SLC5A6: variants seen among roughly 807,000 people sequenced by gnomAD.
The protein encoded by SLC5A6 is solute carrier family 5 member 6.
Under a neutral mutation model 67.9 loss-of-function variants are expected in SLC5A6, and 31 were observed. That is an observed-to-expected ratio of 0.46 (90% CI 0.34 to 0.62). The LOEUF is 0.62. Among genes scored for constraint, SLC5A6 ranks in the 20% least tolerant of loss-of-function variants. The pLI is 0.01. For synonymous variants in SLC5A6, 343 were observed against 331.0 expected, an observed-to-expected ratio of 1.04 and a Z score of -0.39; for missense variants, 673 against 812.8, an observed-to-expected ratio of 0.83 and a Z score of 2.09.
At chr2:27,206,146 G>C (rs1674046733) in intron 5 of SLC5A6, 53 bp from the exon 6 acceptor site, 1 of 1,506,868 alleles carries the variant, frequency 6.6e-7, no homozygotes, top group Non-Finnish European at 9.2e-7. Flanking sequence ...CCCCAGGGGA[G>C]AAGCCCTGGT....
rs747409538 is a variant in SLC5A6 at position 27,205,996 on chromosome 2, C to T, written c.579+30G>A. On this transcript the variant is annotated intron_variant, in intron 6 of 16. Transcript: ENST00000310574. ...GTCCCCTCCTTACTTCATCCCTTCC[C>T]CTCCCCACACCACGGCTTACTGCAC... is the stretch of plus-strand genomic sequence containing the variant. 7 of 1,551,132 alleles carry T rather than the reference C, an allele frequency of 4.5e-6. No individual in the cohort carries two copies. The African/African-American group carries it at 8.1e-5, about 18-fold the overall frequency.
Position 27,212,248 on chromosome 2 carries a change from CA to C in SLC5A6, c.-437del. On this transcript the variant is annotated 5_prime_UTR_variant, in exon 1 of 17. Coordinates refer to ENST00000310574, the MANE Select transcript of SLC5A6 (RefSeq NM_021095.4). ...TCCACGAGCAGGAAAAGCCCCCAAG[CA>C]GCCCCAGGGCGACTGGACCGGGCCG... The C allele has an allele frequency of 6.4e-7, 1 of 1,560,920 alleles. No homozygotes were observed. The highest frequency in any genetic ancestry group is 8.7e-7 in the Non-Finnish European group (1 of 1,153,062).
At position 27,205,431 on chromosome 2, in the gene SLC5A6, A is replaced by G. The variant is rs949806130; in HGVS notation, c.653T>C (p.Ile218Thr). The G allele has an allele frequency of 2.5e-6, 4 of 1,613,980 alleles. No homozygotes were observed. In the South Asian group the frequency reaches 4.4e-5, roughly 18 times the overall value. ...GCCCACCTTGGCTGACCCCACAATG[A>G]TAACTGCCAGCTGCCCGAGGAACAT... is the stretch of plus-strand genomic sequence containing the variant. ...LVMFLGQLAVIIVGSAKVGGL... is the reference protein window; with the variant it reads ...LVMFLGQLAVTIVGSAKVGGL... The change falls in exon 7 of 17, where the codon ATC (isoleucine) becomes ACC (threonine). Residue 218 changes from isoleucine to threonine, a missense_variant. Ile to Thr is a moderately conservative substitution (Grantham distance 89, BLOSUM62 -1). Transcript: ENST00000310574.
At chr2:27,202,976 T>C in intron 11 of SLC5A6, 96 bp from the exon 12 acceptor site, 1 of 1,568,376 alleles carries the variant, frequency 6.4e-7, no homozygotes, top group South Asian at 1.2e-5. Context: ...CTACCACCTC[T>C]GTCTCTCTGG....
chr2:27,203,621 A>G (rs776136234), intron 10 of SLC5A6, among the ~76,000 whole-genome samples, 158 bp downstream of exon 10: 3 of 152,216 alleles, frequency 2.0e-5, no homozygotes, highest in Non-Finnish European at 4.4e-5. Context: ...GCTGTGGCCT[A>G]CAAAGATGAG....
chr2:27,200,985 C>G lies in SLC5A6; in HGVS notation c.1764+13G>C. ...GAAGGGCAGGGAGGGGTCACTTGGA[C>G]AGCAGGTACTACCTGGCCGTAGCTC... On this transcript the variant is annotated intron_variant, in intron 16 of 16. Transcript: ENST00000310574. The G allele has an allele frequency of 6.4e-7, 1 of 1,558,956 alleles. No homozygotes were observed. The highest frequency in any genetic ancestry group is 1.1e-5 in the South Asian group (1 of 88,790).
rs1673502606 is a variant in SLC5A6, at chr2:27,200,085, T to A, written c.*351A>T. On this transcript the variant is annotated 3_prime_UTR_variant, in exon 17 of 17. Coordinates refer to ENST00000310574, the MANE Select transcript of SLC5A6 (RefSeq NM_021095.4). ...GGCCCTGGGGCAATTATAACCAGAGTGCTGTTTCTAGCCACTTACTTCAAA... is the reference window on the plus strand; with the variant it reads ...GGCCCTGGGGCAATTATAACCAGAGAGCTGTTTCTAGCCACTTACTTCAAA... 1.7e-5 allele frequency: 3 copies of A among 178,932 alleles called. No individual in the cohort carries two copies. The highest frequency in any genetic ancestry group is 7.1e-5 in the African/African-American group (3 of 42,364). The allele number at this position is 178,932 out of a possible 1,614,324, so 11.1% of individuals were successfully genotyped here.
In SLC5A6 at chr2:27,204,590, G is replaced by C; in HGVS notation, c.876C>G (p.Leu292=). 1 of 1,613,964 alleles carries C rather than the reference G, an allele frequency of 6.2e-7. No homozygotes were observed. Among genetic ancestry groups the C allele is most frequent in the Non-Finnish European group, 8.5e-7 (1 of 1,179,916 alleles). Residue 292 remains leucine, a splice_region_variant and synonymous_variant, in exon 9 of 17, where the codon CTC becomes CTG. Coordinates refer to ENST00000310574, the MANE Select transcript of SLC5A6 (RefSeq NM_021095.4). ...LSSRTEKAAV[L]SCYAVFPFQQ... is the part of the protein sequence containing the mutation. ...GGAAGGGGAACACTGCATAACAGGA[G>C]CTGCAAAAGAGGTCAGTGCCAGGAG...
intron 2 of SLC5A6, among the ~76,000 whole-genome samples, chr2:27,209,351 C>T (rs1674299043): frequency 6.6e-6 from 1 of 152,228 alleles, no homozygotes; most frequent in African/African-American, 2.4e-5. Flanking sequence ...TTGCTGAACA[C>T]CTGCTATGTA....
rs774682326 is a variant in SLC5A6, at chr2:27,207,598, C to T, written c.53G>A (p.Ser18Asn). ...GATGGAGAAGGTAGACATGCCCACG[C>T]TTGTGCCCGAGGTTGGGGAAAGAGG... is the stretch of plus-strand genomic sequence containing the variant. ...SAPLSPTSGT[S>N]VGMSTFSIMD... Residue 18 changes from serine (S) to asparagine (N), a missense_variant, in exon 3 of 17, where the codon AGC becomes AAC. Ser to Asn is a conservative substitution (Grantham distance 46). Coordinates refer to ENST00000310574, the MANE Select transcript of SLC5A6 (RefSeq NM_021095.4). The surrounding 1 kb of genome is among the most constrained non-coding windows in gnomAD (Gnocchi z 5.5). 5.1e-5 allele frequency: 82 copies of T among 1,614,126 alleles called. No individual in the cohort carries two copies. Among genetic ancestry groups the T allele is most frequent in the Non-Finnish European group, 6.4e-5 (75 of 1,180,032 alleles).
intron 2 of SLC5A6, among the ~76,000 whole-genome samples, chr2:27,208,210 A>G (rs1473485243): frequency 6.6e-6 from 1 of 152,214 alleles, no homozygotes; most frequent in Non-Finnish European, 1.5e-5. Context: ...GACTAATGGC[A>G]GCAGGGCTTC....
chr2:27,201,885 C>T (rs1673668958), intron 13 of SLC5A6, 38 bp from the exon 14 acceptor site: 2 of 1,612,028 alleles, frequency 1.2e-6, no homozygotes, highest in Non-Finnish European at 1.7e-6. Context: ...CAAGGCCAGT[C>T]CTGCCAGCCC....
chr2:27,205,133 T>C, intron 7 of SLC5A6: 1 of 711,814 alleles, frequency 1.4e-6, no homozygotes, highest in Non-Finnish European at 2.3e-6. Context: ...CCAGGCTCAT[T>C]CCAGGTACTC....
intron 2 of SLC5A6, among the ~76,000 whole-genome samples, chr2:27,209,781 G>T (rs773179871): frequency 6.6e-6 from 1 of 152,222 alleles, no homozygotes; most frequent in Non-Finnish European, 1.5e-5. Flanking sequence ...TGGCTGGCAA[G>T]ATATGGCCTC....
chr2:27,206,973 TG>T (rs1434452400), intron 3 of SLC5A6, 31 bp from the exon 4 acceptor site: 36 of 1,560,584 alleles, frequency 2.3e-5, no homozygotes, highest in Non-Finnish European at 3.1e-5. Context: ...ATTTTTCTCC[TG>T]ACTTCACCCC....
chr2:27,203,080 T>C, intron 11 of SLC5A6, 153 bp downstream of exon 11: 2 of 1,496,174 alleles, frequency 1.3e-6, no homozygotes, highest in Admixed American at 5.0e-5. Context: ...TGCCCTGAGA[T>C]GGAAACAACC....
intron 15 of SLC5A6, 35 bp downstream of exon 15, chr2:27,201,315 C>T (rs760626016): frequency 1.2e-5 from 17 of 1,403,944 alleles, no homozygotes; most frequent in South Asian, 5.8e-5. Flanking sequence ...GTTAACCCCT[C>T]GGTGCTCATC....
chr2:27,205,548 C>G (rs1673996497), intron 6 of SLC5A6, 44 bp from the exon 7 acceptor site: 1 of 1,606,258 alleles, frequency 6.2e-7, no homozygotes, highest in Non-Finnish European at 8.5e-7. Context: ...GCCTTCTAAA[C>G]CCAGCTTGTC....
In SLC5A6 at chr2:27,204,827, C is replaced by T. The variant is rs1280625620; in HGVS notation, c.839G>A (p.Arg280Gln). The T allele has an allele frequency of 2.5e-6, 4 of 1,614,136 alleles. No homozygotes were observed. Among genetic ancestry groups the T allele is most frequent in the African/African-American group, 1.3e-5 (1 of 75,036 alleles). ...CTTCTCCGTGCGGGAACTGAGGTACCGCTGCACCTGAGCCTGGTTCACCCC... is the reference window on the plus strand; with the variant it reads ...CTTCTCCGTGCGGGAACTGAGGTACTGCTGCACCTGAGCCTGGTTCACCCC... Reference protein sequence around the residue: ...LYGVNQAQVQRYLSSRTEKAA... With the variant: ...LYGVNQAQVQQYLSSRTEKAA... Residue 280 changes from arginine (R) to glutamine (Q), a missense_variant, in exon 8 of 17, where the codon CGG becomes CAG. By Grantham distance (43) the Arg-to-Gln change is conservative. Transcript: ENST00000310574.
Sources: gnomAD v4.1 joint callset for allele counts (sites outside exome capture counted in the v4.1 genomes callset) on GRCh38, gnomAD v4.1.1 for gene constraint, Gnocchi (gnomAD v3.1) non-coding constraint, MANE v1.5 for transcripts, NCBI Gene and HGNC (gene_info 2026-07-23, HGNC 2026-07-21) for gene names.